Variants in FYB2 observed in about 807,000 individuals in gnomAD.
FYB2 encodes FYN binding protein 2.
Under a neutral mutation model 94.1 loss-of-function variants are expected in FYB2, and 103 were observed. The observed-to-expected ratio is 1.09, with a 90% CI of 0.93 to 1.29. FYB2 has a LOEUF of 1.29. Among genes scored for constraint, FYB2 ranks in the 50% most tolerant of loss-of-function variants. FYB2 has a pLI of 0.00. For missense variants in FYB2, 896 were observed against 841.5 expected (o/e 1.06, Z -0.80); for synonymous variants, 293 against 287.9 (o/e 1.02, Z -0.18).
chr1:56,753,694 A>G, intron 8 of FYB2, 145 bp downstream of exon 8: 3 of 610,234 alleles, frequency 4.9e-6, no homozygotes, highest in Non-Finnish European at 8.7e-6. Context: ...TGTCATTGTT[A>G]CATTTATTTC....
intron 7 of FYB2, among the ~76,000 whole-genome samples, chr1:56,754,154 A>G (rs1645269624): frequency 6.6e-6 from 1 of 151,960 alleles, no homozygotes; most frequent in African/African-American, 2.4e-5. Context: ...GCTGCTTAAA[A>G]TCTTCTAACT....
rs1287522493 is a variant in FYB2 at position 56,777,040 on chromosome 1, C to T, written c.954-9102G>A. Among the ~76,000 whole-genome samples, 4 of 48,346 alleles carry T rather than the reference C, an allele frequency of 8.3e-5. 2 individuals carry two copies. The highest frequency in any genetic ancestry group is 5.7e-4 in the African/African-American group (2 of 3,514). The allele number at this position is 48,346 out of a possible 152,430, so 31.7% of individuals were successfully genotyped here. A position where few individuals can be genotyped will look rare whatever the true frequency, so the allele number is the denominator to read the frequency against. ...CGAGGTCAGGAGATCGAGACCATCC[C>T]GGCTAAAACGGTGAAACCCCGTCTC... is the stretch of plus-strand genomic sequence containing the variant. On this transcript the variant is annotated intron_variant, in intron 4 of 19. Transcript: ENST00000343433.
intron 8 of FYB2, among the ~76,000 whole-genome samples, chr1:56,753,515 T>A (rs1163670846): frequency 6.6e-6 from 1 of 152,106 alleles, no homozygotes; most frequent in East Asian, 1.9e-4. Context: ...GCACAACGTT[T>A]AAGGAAACTC....
At chr1:56,786,087 GT>G (rs1008318124) in intron 4 of FYB2, among the ~76,000 whole-genome samples, 24 of 152,230 alleles carry the variant, frequency 1.6e-4, no homozygotes, top group South Asian at 1.2e-3. Context: ...CCAAGTCAAG[GT>G]GCCCACCATC....
intron 4 of FYB2, among the ~76,000 whole-genome samples, chr1:56,773,165 C>A (rs982890949): frequency 6.6e-6 from 1 of 152,090 alleles, no homozygotes; most frequent in African/African-American, 2.4e-5. Flanking sequence ...AATGTTTAAA[C>A]AAATGGGATC....
At chr1:56,766,494 C>T (rs930316616) in intron 5 of FYB2, among the ~76,000 whole-genome samples, 7 of 151,728 alleles carry the variant, frequency 4.6e-5, no homozygotes, top group South Asian at 2.1e-4. Context: ...AGTGCAGTGG[C>T]GCGATCTCGG....
chr1:56,791,571 G>A (rs1254697093), intron 2 of FYB2, among the ~76,000 whole-genome samples: 1 of 152,128 alleles, frequency 6.6e-6, no homozygotes, highest in Non-Finnish European at 1.5e-5. Flanking sequence ...TCATAACTTA[G>A]ATAATACTAA....
At chr1:56,776,262 TC>T (rs1277365016) in intron 4 of FYB2, among the ~76,000 whole-genome samples, 1 of 152,190 alleles carries the variant, frequency 6.6e-6, no homozygotes, top group African/African-American at 2.4e-5. Flanking sequence ...ACAGATCAAT[TC>T]TTTTATATAT....
rs758078595 is a variant in FYB2, at chr1:56,737,105, A to G, written c.1775T>C (p.Leu592Pro). The change falls in exon 15 of 20, where the codon CTG becomes CCG. Residue 592 changes from leucine to proline, a missense_variant. Coordinates refer to ENST00000343433, the MANE Select transcript of FYB2 (RefSeq NM_001004303.5). ...QEVIIYDDVD[L>P]SEKESKDEDK... ...TACTTACTTTGACTCTTTTTCACTC[A>G]GGTCTACATCATCATAAATAATAAC... The G allele has an allele frequency of 1.2e-6, 2 of 1,605,990 alleles. No homozygotes were observed. The highest frequency in any genetic ancestry group is 1.7e-6 in the Non-Finnish European group (2 of 1,174,940).
chr1:56,778,983 T>A (rs976002649), intron 4 of FYB2, among the ~76,000 whole-genome samples: 2 of 152,036 alleles, frequency 1.3e-5, no homozygotes, highest in African/African-American at 4.8e-5. Flanking sequence ...CAGGTGACGA[T>A]CTGGGAGAAG....
At chr1:56,758,897 T>G in intron 5 of FYB2, 147 bp from the exon 6 acceptor site, 1 of 526,580 alleles carries the variant, frequency 1.9e-6, no homozygotes, top group Non-Finnish European at 3.1e-6. Flanking sequence ...ATCTAGAAAG[T>G]TTGGGAAATT....
chr1:56,754,179 G>A (rs60981376), intron 7 of FYB2, among the ~76,000 whole-genome samples: 11,331 of 151,926 alleles, frequency 0.075, 596 homozygotes, highest in East Asian at 0.23. Context: ...ATTGCCTATA[G>A]GATAAAACTT....
intron 3 of FYB2, 195 bp downstream of exon 3, chr1:56,788,778 C>T: frequency 4.3e-6 from 3 of 699,320 alleles, no homozygotes; most frequent in Admixed American, 2.4e-5. Flanking sequence ...GTGGGCTGGT[C>T]TAGGAGCGAT....
chr1:56,730,822 A>C (rs1159516655), intron 15 of FYB2, among the ~76,000 whole-genome samples: 3 of 152,120 alleles, frequency 2.0e-5, no homozygotes, highest in Non-Finnish European at 1.5e-5. Flanking sequence ...AAAGCAGACA[A>C]GGATACGAAA....
intron 16 of FYB2, 24 bp downstream of exon 16, chr1:56,726,473 A>G: frequency 6.3e-7 from 1 of 1,599,458 alleles, no homozygotes. Context: ...ATAAGCTATA[A>G]TAGAAGTGCC....
At chr1:56,756,711 CCT>C (rs528442741) in intron 6 of FYB2, among the ~76,000 whole-genome samples, 62 of 152,198 alleles carry the variant, frequency 4.1e-4, no homozygotes, top group African/African-American at 1.4e-3. Context: ...GGTTACTAAA[CCT>C]CTCTGAACCT....
At chr1:56,802,116 C>G (rs1013623013) in intron 1 of FYB2, among the ~76,000 whole-genome samples, 6 of 152,160 alleles carry the variant, frequency 3.9e-5, no homozygotes, top group African/African-American at 1.2e-4. Context: ...TCATTCAAGT[C>G]TCATGTAAGG....
chr1:56,819,426 T>G (rs964460247), upstream of FYB2: 2 of 1,269,624 alleles, frequency 1.6e-6, no homozygotes, highest in African/African-American at 3.0e-5. Context: ...GAGCCCAGGC[T>G]CCCCACCTGC....
At chr1:56,771,641 G>A (rs1323255837) in intron 4 of FYB2, among the ~76,000 whole-genome samples, 1 of 152,192 alleles carries the variant, frequency 6.6e-6, no homozygotes, top group East Asian at 1.9e-4. Context: ...TAAAGGTGAG[G>A]TTAGAGTTGA....
Sources: gnomAD v4.1 joint callset for allele counts (sites outside exome capture counted in the v4.1 genomes callset) on GRCh38, gnomAD v4.1.1 for gene constraint, MANE v1.5 for transcripts, NCBI Gene and HGNC (gene_info 2026-07-23, HGNC 2026-07-21) for gene names.